The following AIG1 variants were observed in gnomAD, a reference collection of about 807,000 sequenced individuals.
The protein encoded by AIG1 is androgen induced 1, also known as androgen-induced gene 1 protein.
Under a neutral mutation model 31.4 loss-of-function variants are expected in AIG1, and 23 were observed. That is an observed-to-expected ratio of 0.73 (90% confidence interval 0.53 to 1.04). The LOEUF (loss-of-function observed/expected upper bound fraction) is 1.04. Ranked by LOEUF, AIG1 falls within the 50% of genes least tolerant of loss-of-function variation. The probability of loss-of-function intolerance (pLI) is 0.00; values close to 1 mark genes in which losing one functional copy is unlikely to be tolerated. For missense variants in AIG1, 274 were observed against 295.0 expected (o/e 0.93, Z 0.52); for synonymous variants, 100 against 110.5 (o/e 0.90, Z 0.60).
chr6:143,136,298 C>G (rs1783739469), intron 1 of AIG1, among the ~76,000 whole-genome samples: 1 of 152,098 alleles, frequency 6.6e-6, no homozygotes, highest in South Asian at 2.1e-4. Flanking sequence ...GGACCCACTT[C>G]CTACCACTTC....
In AIG1 at chr6:143,258,062, C is replaced by T. The variant is rs72990462; in HGVS notation, c.400-26048C>T. Among the ~76,000 whole-genome samples, 2,940 of 152,270 alleles carry T rather than the reference C, an allele frequency of 0.019. 39 individuals carry two copies. The highest frequency in any genetic ancestry group is 0.028 in the Non-Finnish European group (1,874 of 68,038). ...TACTGAATGCCTGTTATAAGCCAAC[C>T]TGATGCCCAGAGTCCTCCAATTGAA... is the stretch of plus-strand genomic sequence containing the variant. On this transcript the variant is annotated intron_variant, in intron 3 of 5. Coordinates refer to ENST00000357847, the MANE Select transcript of AIG1 (RefSeq NM_016108.4). This position sits in a 1 kb window ranked among gnomAD's most constrained non-coding sequence, Gnocchi z 4.7.
At chr6:143,102,143 T>C (rs1441978785) in intron 1 of AIG1, among the ~76,000 whole-genome samples, 3 of 152,106 alleles carry the variant, frequency 2.0e-5, no homozygotes, top group Admixed American at 2.0e-4. Flanking sequence ...AAATATTTTA[T>C]AGCTTGCTTT....
At chr6:143,282,330 T>C (rs1307760981) in intron 3 of AIG1, among the ~76,000 whole-genome samples, 1 of 152,212 alleles carries the variant, frequency 6.6e-6, no homozygotes, top group Non-Finnish European at 1.5e-5. Context: ...TTTTCTTTTA[T>C]GTAAGATTTG....
intron 1 of AIG1, among the ~76,000 whole-genome samples, chr6:143,067,528 T>C (rs186970833): frequency 4.1e-4 from 63 of 152,348 alleles, no homozygotes; most frequent in African/African-American, 1.4e-3. Flanking sequence ...TGAGAATTTT[T>C]GACATTTAAA....
At chr6:143,069,624 T>C (rs1353776759) in intron 1 of AIG1, among the ~76,000 whole-genome samples, 1 of 152,206 alleles carries the variant, frequency 6.6e-6, no homozygotes, top group African/African-American at 2.4e-5. Context: ...ATTCATGTTC[T>C]TTGTGAAGTT....
intron 1 of AIG1, among the ~76,000 whole-genome samples, chr6:143,128,870 C>T (rs1782939746): frequency 6.6e-6 from 1 of 152,218 alleles, no homozygotes. Context: ...TGAGTTTATG[C>T]TTCTTTCCTG....
intron 2 of AIG1, among the ~76,000 whole-genome samples, chr6:143,147,636 A>C (rs984519509): frequency 1.3e-5 from 2 of 152,098 alleles, no homozygotes; most frequent in Admixed American, 1.3e-4. Flanking sequence ...TTCATTAATA[A>C]AGCAACGTTT....
chr6:143,231,355 G>C (rs557703821), intron 3 of AIG1, among the ~76,000 whole-genome samples: 100 of 152,294 alleles, frequency 6.6e-4, no homozygotes, highest in Middle Eastern at 3.4e-3. Flanking sequence ...AACACCTAAA[G>C]AGGTAATTAC....
rs144566687 is a variant in AIG1, at chr6:143,203,711, A to G, written c.399+38528A>G. Among the ~76,000 whole-genome samples the G allele has an allele frequency of 3.4e-3, 520 of 152,310 alleles. 4 individuals are homozygous for G. The Middle Eastern group carries it at 0.071, about 21-fold the overall frequency. On this transcript the variant is annotated intron_variant, in intron 3 of 5. Transcript: ENST00000357847. ...TCTCAGATATCCAGAGATAAAATGAATATCCTTGGTTGGATCCATGAGCCA... is the reference window on the plus strand; with the variant it reads ...TCTCAGATATCCAGAGATAAAATGAGTATCCTTGGTTGGATCCATGAGCCA...
At chr6:143,339,398 A>T in intron 5 of AIG1, 1 of 365,382 alleles carries the variant, frequency 2.7e-6, no homozygotes, top group Non-Finnish European at 5.0e-6. Flanking sequence ...TGTGTCCCAG[A>T]GATGCTGTGT....
At chr6:143,104,665 G>A (rs1458561953) in intron 1 of AIG1, among the ~76,000 whole-genome samples, 2 of 152,088 alleles carry the variant, frequency 1.3e-5, no homozygotes, top group East Asian at 1.9e-4. Context: ...TTGGGAGGCC[G>A]AGGCAGGGAG....
At chr6:143,143,528 A>AATATATATATATATATATATATAT (rs1245695724) in intron 2 of AIG1, among the ~76,000 whole-genome samples, 9 of 27,780 alleles carry the variant, frequency 3.2e-4, no homozygotes, top group African/African-American at 2.9e-4. Flanking sequence ...AAAAAAAAAA[A>AATATATATATATATATATATATAT]ATATATATAT....
rs1795408281 is a variant in AIG1 at position 143,256,859 on chromosome 6, G to T, written c.400-27251G>T. Among the ~76,000 whole-genome samples the T allele has an allele frequency of 6.6e-6, 1 of 152,182 alleles. No individual in the cohort carries two copies. Among genetic ancestry groups the T allele is most frequent in the South Asian group, 2.1e-4 (1 of 4,828 alleles). On this transcript the variant is annotated intron_variant, in intron 3 of 5. Transcript: ENST00000357847. The surrounding 1 kb of genome is among the most constrained non-coding windows in gnomAD (Gnocchi z 4.6). ...TATTTTCTCTGACTCTTGTAAAAAT[G>T]TCAGTAGGGTAAAAATGTCAATAGG...
At position 143,328,742 on chromosome 6, in the gene AIG1, T is replaced by A. The variant is rs1371265594; in HGVS notation, c.516-4540T>A. 6.6e-6 allele frequency among the ~76,000 whole-genome samples: 1 copy of A among 152,242 alleles called. No individual in the cohort carries two copies. Among genetic ancestry groups the A allele is most frequent in the Non-Finnish European group, 1.5e-5 (1 of 68,044 alleles). ...GAGGCATGAATAAATGTTATTTTTTTAATTGTACATAAACGTGAATGCAAA... is the reference window on the plus strand; with the variant it reads ...GAGGCATGAATAAATGTTATTTTTTAAATTGTACATAAACGTGAATGCAAA... On this transcript the variant is annotated intron_variant, in intron 4 of 5. Transcript: ENST00000357847. This position sits in a 1 kb window ranked among gnomAD's most constrained non-coding sequence, Gnocchi z 4.0.
chr6:143,199,777 C>T (rs1239850531), intron 3 of AIG1, among the ~76,000 whole-genome samples: 3 of 152,014 alleles, frequency 2.0e-5, no homozygotes, highest in Admixed American at 1.3e-4. Context: ...AGTTTAAAGT[C>T]GACTCAGGCA....
At chr6:143,106,719 G>A (rs1322868733) in intron 1 of AIG1, among the ~76,000 whole-genome samples, 1 of 152,150 alleles carries the variant, frequency 6.6e-6, no homozygotes, top group African/African-American at 2.4e-5. Flanking sequence ...TGACTTCCCT[G>A]TGTCTTAGTC....
rs764845843 is a variant in AIG1, at chr6:143,339,630, T to C, written c.680-9T>C. 16 of 1,612,904 alleles carry C rather than the reference T, an allele frequency of 9.9e-6. No individual in the cohort carries two copies. The Admixed American group carries it at 1.8e-4, about 19-fold the overall frequency. On this transcript the variant is annotated splice_polypyrimidine_tract_variant and intron_variant, in intron 5 of 5. Coordinates refer to ENST00000357847, the MANE Select transcript of AIG1 (RefSeq NM_016108.4). Reference sequence around the variant, plus strand: ...ATGCTCAAATAAAACACTTTGCCTGTATTTCTAGGTATGGAAGAAGAGAAA... The same window carrying C: ...ATGCTCAAATAAAACACTTTGCCTGCATTTCTAGGTATGGAAGAAGAGAAA...
chr6:143,233,360 G>T (rs187019370), intron 3 of AIG1, among the ~76,000 whole-genome samples: 68 of 152,104 alleles, frequency 4.5e-4, no homozygotes, highest in African/African-American at 1.5e-3. Flanking sequence ...GCTCAAATTA[G>T]AACCCAGGAA....
intron 1 of AIG1, among the ~76,000 whole-genome samples, chr6:143,063,406 G>A (rs146779717): frequency 6.6e-6 from 1 of 152,300 alleles, no homozygotes; most frequent in African/African-American, 2.4e-5. Context: ...TTAACAAAGA[G>A]TGCCTGTGAG....
Sources: gnomAD v4.1 joint callset for allele counts (sites outside exome capture counted in the v4.1 genomes callset) on GRCh38, gnomAD v4.1.1 for gene constraint, Gnocchi (gnomAD v3.1) non-coding constraint, MANE v1.5 for transcripts, NCBI Gene and HGNC (gene_info 2026-07-23, HGNC 2026-07-21) for gene names.